Variants in SLC44A5 observed in about 807,000 individuals in gnomAD.
SLC44A5 encodes solute carrier family 44 member 5, also known as choline transporter-like protein 5.
A neutral mutation model predicts 101.8 loss-of-function variants in SLC44A5; 57 were observed. The ratio of observed to expected loss-of-function variants is 0.56; its 90% CI spans 0.45 to 0.70. SLC44A5 has a LOEUF of 0.70. Among genes scored for constraint, SLC44A5 ranks in the 30% least tolerant of loss-of-function variants. The pLI is 0.00. For synonymous variants in SLC44A5, 281 were observed against 290.9 expected (o/e 0.97, Z 0.35); for missense variants, 737 against 853.1 (o/e 0.86, Z 1.70).
intron 4 of SLC44A5, among the ~76,000 whole-genome samples, chr1:75,309,129 A>C (rs1197424769): frequency 6.6e-6 from 1 of 152,232 alleles, no homozygotes; most frequent in African/African-American, 2.4e-5. Context: ...AACAACTTTT[A>C]GAACAATATT....
the SLC44A5 span, among the ~76,000 whole-genome samples, chr1:75,647,649 A>G: frequency 1.3e-5 from 2 of 152,342 alleles, no homozygotes; most frequent in African/African-American, 2.4e-5. Context: ...CACCTCTTGC[A>G]TCAGCATGAC....
intron 5 of SLC44A5, among the ~76,000 whole-genome samples, chr1:75,297,176 C>A (rs566091607): frequency 4.6e-4 from 70 of 152,126 alleles, no homozygotes; most frequent in African/African-American, 1.7e-3. Flanking sequence ...AAAGCAAAAC[C>A]AAAACAAACT....
At chr1:75,349,348 C>CA (rs1044080969) in intron 3 of SLC44A5, among the ~76,000 whole-genome samples, 14 of 149,920 alleles carry the variant, frequency 9.3e-5, no homozygotes, top group Non-Finnish European at 1.8e-4. Flanking sequence ...CAAAAACAAA[C>CA]AAAAAAAAAG....
intron 2 of SLC44A5, among the ~76,000 whole-genome samples, chr1:75,525,447 A>C (rs987073771): frequency 3.9e-5 from 6 of 152,200 alleles, no homozygotes; most frequent in Non-Finnish European, 8.8e-5. Context: ...GTATAAGAAC[A>C]AGGAGAACCA....
chr1:75,268,767 T>C (rs1470070894), intron 6 of SLC44A5, among the ~76,000 whole-genome samples: 1 of 152,138 alleles, frequency 6.6e-6, no homozygotes, highest in Non-Finnish European at 1.5e-5. Flanking sequence ...ATTAACAATA[T>C]ATCATGAGCA....
At chr1:75,568,673 T>A (rs539740079) in intron 1 of SLC44A5, among the ~76,000 whole-genome samples, 1 of 152,304 alleles carries the variant, frequency 6.6e-6, no homozygotes, top group East Asian at 1.9e-4. Flanking sequence ...TGATTCTTAA[T>A]CCTACGATCC....
chr1:75,585,097 T>G (rs1314229404), intron 1 of SLC44A5, among the ~76,000 whole-genome samples: 1 of 152,230 alleles, frequency 6.6e-6, no homozygotes, highest in Non-Finnish European at 1.5e-5. Flanking sequence ...TGTATAATTT[T>G]GGACAAATCA....
chr1:75,264,796 A>G (rs1364872705), intron 6 of SLC44A5, among the ~76,000 whole-genome samples: 1 of 152,138 alleles, frequency 6.6e-6, no homozygotes, highest in Non-Finnish European at 1.5e-5. Flanking sequence ...AGAACAAAAT[A>G]GAGATTAAAA....
At chr1:75,509,233 T>G (rs1669434235) in intron 2 of SLC44A5, among the ~76,000 whole-genome samples, 1 of 152,232 alleles carries the variant, frequency 6.6e-6, no homozygotes. Context: ...AAGGTTTCAT[T>G]TTTTTATTCA....
intron 3 of SLC44A5, among the ~76,000 whole-genome samples, chr1:75,357,717 T>A (rs915271865): frequency 5.9e-5 from 9 of 152,124 alleles, no homozygotes; most frequent in Non-Finnish European, 8.8e-5. Flanking sequence ...ATCCTGTGTG[T>A]CAAGGAAATA....
chr1:75,678,105 G>A, the SLC44A5 span, among the ~76,000 whole-genome samples: 33,751 of 152,148 alleles, frequency 0.22, 5,093 homozygotes, highest in East Asian at 0.67. Context: ...CTGGCTCGGA[G>A]GGTCCTACCC....
At chr1:75,650,227 C>T in the SLC44A5 span, among the ~76,000 whole-genome samples, 3 of 152,202 alleles carry the variant, frequency 2.0e-5, no homozygotes, top group Non-Finnish European at 4.4e-5. Context: ...CTCCCAGTTT[C>T]TCTCTTTTTC....
At chr1:75,234,419 G>T (rs1647882623) in intron 11 of SLC44A5, among the ~76,000 whole-genome samples, 1 of 151,986 alleles carries the variant, frequency 6.6e-6, no homozygotes, top group South Asian at 2.1e-4. Context: ...CAGTTGCCAT[G>T]TCTTATTTTT....
chr1:75,274,931 A>T, intron 6 of SLC44A5, 27 bp downstream of exon 6: 1 of 1,580,246 alleles, frequency 6.3e-7, no homozygotes, highest in South Asian at 1.1e-5. Context: ...CAGTAAAATC[A>T]CACAAAGCAA....
At chr1:75,270,486 A>C (rs1651377876) in intron 6 of SLC44A5, among the ~76,000 whole-genome samples, 1 of 152,128 alleles carries the variant, frequency 6.6e-6, no homozygotes. Context: ...TTGGGAAAAT[A>C]GTTTGATTTC....
intron 1 of SLC44A5, among the ~76,000 whole-genome samples, chr1:75,575,421 G>T: frequency 6.6e-6 from 1 of 152,262 alleles, no homozygotes; most frequent in Non-Finnish European, 1.5e-5. Flanking sequence ...TATTGACTAT[G>T]CACTACATTT....
chr1:75,614,925 G>A (rs1201008333), upstream of SLC44A5, among the ~76,000 whole-genome samples: 1 of 152,054 alleles, frequency 6.6e-6, no homozygotes, highest in Non-Finnish European at 1.5e-5. Context: ...CTAGGGAGCC[G>A]ACAAGCTGCG....
intron 1 of SLC44A5, among the ~76,000 whole-genome samples, chr1:75,601,669 G>A (rs1051793646): frequency 6.6e-6 from 1 of 152,122 alleles, no homozygotes; most frequent in African/African-American, 2.4e-5. Context: ...TGGGTAAAGA[G>A]CTATCTCAAG....
chr1:75,302,104 G>GTT (rs1204998592), intron 4 of SLC44A5, among the ~76,000 whole-genome samples: 1,750 of 49,102 alleles, frequency 0.036, 93 homozygotes, highest in East Asian at 0.12. Context: ...AGGTGCTCTA[G>GTT]TTTTTTTGTT....
Sources: gnomAD v4.1 joint callset for allele counts (sites outside exome capture counted in the v4.1 genomes callset) on GRCh38, gnomAD v4.1.1 for gene constraint, MANE v1.5 for transcripts, NCBI Gene and HGNC (gene_info 2026-07-23, HGNC 2026-07-21) for gene names.